Variants in HBS1L observed in about 807,000 individuals in gnomAD.
HBS1L encodes the protein HBS1 like translational GTPase.
A neutral mutation model predicts 88.9 loss-of-function variants in HBS1L; 55 were observed. The ratio of observed to expected loss-of-function variants is 0.62; its 90% CI spans 0.50 to 0.77. The LOEUF (loss-of-function observed/expected upper bound fraction) is 0.77. Among genes scored for constraint, HBS1L ranks in the 30% least tolerant of loss-of-function variants. The pLI is 0.00. For synonymous variants in HBS1L, 267 were observed against 288.5 expected (o/e 0.93, Z 0.76); for missense variants, 741 against 829.3 (o/e 0.89, Z 1.31).
chr6:134,980,295 A>G (rs1774790993), intron 13 of HBS1L, among the ~76,000 whole-genome samples: 1 of 152,016 alleles, frequency 6.6e-6, no homozygotes, highest in South Asian at 2.1e-4. Flanking sequence ...GACAATCTAG[A>G]GTTTCATGCA....
intron 1 of HBS1L, among the ~76,000 whole-genome samples, chr6:135,051,807 T>G (rs990223922): frequency 7.2e-5 from 11 of 152,174 alleles, no homozygotes; most frequent in African/African-American, 2.7e-4. Flanking sequence ...CATAAATATA[T>G]TTACATAAAT....
At chr6:135,014,851 C>CAAAAAAAAAA (rs57153800) in intron 4 of HBS1L, among the ~76,000 whole-genome samples, 1 of 85,380 alleles carries the variant, frequency 1.2e-5, no homozygotes, top group Non-Finnish European at 2.2e-5. Context: ...ACTGTCTCTA[C>CAAAAAAAAAA]AAAAAAAAAA....
intron 4 of HBS1L, among the ~76,000 whole-genome samples, chr6:135,034,084 T>C (rs991313275): frequency 6.6e-6 from 1 of 151,982 alleles, no homozygotes; most frequent in Non-Finnish European, 1.5e-5. Flanking sequence ...TATGGTGCAC[T>C]GATACATTCA....
chr6:135,006,583 AT>A (rs1288364566), intron 4 of HBS1L, among the ~76,000 whole-genome samples: 1 of 152,206 alleles, frequency 6.6e-6, no homozygotes, highest in Non-Finnish European at 1.5e-5. Context: ...TGAAAGAATA[AT>A]GATGGAAAGG....
At chr6:134,986,334 C>T in intron 10 of HBS1L, 151 bp from the exon 11 acceptor site, 2 of 603,798 alleles carry the variant, frequency 3.3e-6, no homozygotes, top group South Asian at 2.0e-5. Context: ...CCAAAGTTAT[C>T]TGATCCAATA....
chr6:135,037,129 G>A (rs969300319), intron 4 of HBS1L: 8 of 1,551,436 alleles, frequency 5.2e-6, no homozygotes, highest in African/African-American at 4.1e-5. Flanking sequence ...TGTGGGAGAA[G>A]CTTTATGAAA....
intron 17 of HBS1L, 51 bp from the exon 18 acceptor site, chr6:134,965,341 T>C (rs1366081554): frequency 8.0e-7 from 1 of 1,250,034 alleles, no homozygotes; most frequent in Non-Finnish European, 1.1e-6. Context: ...ATCAATCACA[T>C]TATAAGAACA....
At chr6:135,044,278 T>C (rs1249266309) in intron 2 of HBS1L, among the ~76,000 whole-genome samples, 1 of 152,218 alleles carries the variant, frequency 6.6e-6, no homozygotes, top group African/African-American at 2.4e-5. Context: ...TTCCACTCTA[T>C]AGGTGGAGTG....
intron 2 of HBS1L, among the ~76,000 whole-genome samples, chr6:135,048,109 G>A (rs187314245): frequency 4.6e-5 from 7 of 152,186 alleles, no homozygotes; most frequent in South Asian, 4.1e-4. Flanking sequence ...TTTGATACCC[G>A]GCTCCCTTTT....
rs142548937 is a variant in HBS1L, at chr6:134,968,370, T to G, written c.1898+868A>C. Among the ~76,000 whole-genome samples, 1,280 of 152,034 alleles carry G rather than the reference T, an allele frequency of 8.4e-3. 21 individuals are homozygous for G. The highest frequency in any genetic ancestry group is 0.029 in the African/African-American group (1,205 of 41,432). On this transcript the variant is annotated intron_variant, in intron 16 of 17. Coordinates refer to ENST00000367837, the MANE Select transcript of HBS1L (RefSeq NM_006620.4). The stretch of plus-strand genomic sequence containing the variant: ...TTCAAGAGATTCTCCTGCCTCAGCC[T>G]CCTGAGTAGCTGGGATTACAGGTGT...
intron 4 of HBS1L, among the ~76,000 whole-genome samples, chr6:135,013,704 A>T (rs1244435785): frequency 2.0e-5 from 3 of 152,214 alleles, no homozygotes; most frequent in Admixed American, 2.0e-4. Flanking sequence ...TAGAGAAAGG[A>T]ATATTTAAGA....
At chr6:135,045,696 G>A (rs1479935124) in intron 2 of HBS1L, among the ~76,000 whole-genome samples, 4 of 152,234 alleles carry the variant, frequency 2.6e-5, no homozygotes, top group East Asian at 3.9e-4. Context: ...TTAGCTAGGC[G>A]TGGTGGCGGG....
Position 134,986,059 on chromosome 6 carries a change from T to C in HBS1L, c.1423+7A>G. ...ATGCATTAAAGCTAGAATGGCAGTA[T>C]ACTTACCAATTTGTTCTAATAAACA... On this transcript the variant is annotated splice_region_variant and intron_variant, in intron 11 of 17. Transcript: ENST00000367837. The C allele has an allele frequency of 8.5e-7, 1 of 1,177,178 alleles. No homozygotes were observed. The highest frequency in any genetic ancestry group is 1.3e-6 in the Non-Finnish European group (1 of 792,338). 72.9% of individuals were successfully genotyped at this position (1,177,178 alleles called of 1,614,324 possible). A position where few individuals can be genotyped will look rare whatever the true frequency, so the allele number is the denominator to read the frequency against.
At position 135,036,882 on chromosome 6, in the gene HBS1L, C is replaced by T. The variant is rs1484757080; in HGVS notation, c.430+2691G>A. ...TATCCTTAGCAAAATTGGAATTCTT[C>T]CCTAGCTTTGAACTTAGAACTTTAG... is the stretch of plus-strand genomic sequence containing the variant. On this transcript the variant is annotated intron_variant, in intron 4 of 17. Coordinates refer to ENST00000367837, the MANE Select transcript of HBS1L (RefSeq NM_006620.4). The T allele has an allele frequency of 2.6e-6, 4 of 1,551,602 alleles. No homozygotes were observed. The South Asian group carries it at 4.8e-5, about 18-fold the overall frequency.
At position 134,986,882 on chromosome 6, in the gene HBS1L, GAAA is replaced by G. The variant is rs1774993724; in HGVS notation, c.1231-75_1231-73del. 18 of 642,294 alleles carry G rather than the reference GAAA, an allele frequency of 2.8e-5. No individual in the cohort carries two copies. In the South Asian group the frequency reaches 4.1e-4, roughly 15 times the overall value. The allele number at this position is 642,294 out of a possible 1,614,324, so 39.8% of individuals were successfully genotyped here. A position where few individuals can be genotyped will look rare whatever the true frequency, so the allele number is the denominator to read the frequency against. ...TACATAAAATTTAAATTTCTGCAAT[GAAA>G]TATAATCAAGACTATATAAAATATA... On this transcript the variant is annotated intron_variant, in intron 9 of 17. Coordinates refer to ENST00000367837, the MANE Select transcript of HBS1L (RefSeq NM_006620.4).
intron 4 of HBS1L, among the ~76,000 whole-genome samples, chr6:135,033,332 A>T (rs1337088919): frequency 6.6e-6 from 1 of 152,220 alleles, no homozygotes; most frequent in Non-Finnish European, 1.5e-5. Flanking sequence ...CAGAATATAC[A>T]CTTAGTGCCA....
chr6:135,016,616 A>G (rs978638204), intron 4 of HBS1L, among the ~76,000 whole-genome samples: 12 of 152,244 alleles, frequency 7.9e-5, no homozygotes, highest in African/African-American at 2.9e-4. Flanking sequence ...TAATAGCTCC[A>G]GACCAAAATG....
intron 4 of HBS1L, among the ~76,000 whole-genome samples, chr6:135,029,611 A>C (rs1331466616): frequency 6.6e-6 from 1 of 152,178 alleles, no homozygotes; most frequent in Non-Finnish European, 1.5e-5. Flanking sequence ...TGGGAGGGAA[A>C]TCAATTTCTA....
chr6:135,036,751 A>C, intron 4 of HBS1L: 1 of 1,551,426 alleles, frequency 6.4e-7, no homozygotes, highest in Non-Finnish European at 8.7e-7. Context: ...TGGGTAACGA[A>C]GACACAGTGT....
Sources: allele counts gnomAD v4.1 joint callset (sites outside exome capture counted in the v4.1 genomes callset), GRCh38; gene constraint gnomAD v4.1.1; transcripts MANE v1.5; gene names NCBI Gene and HGNC (gene_info 2026-07-23, HGNC 2026-07-21).